Variants in PDLIM5 observed in about 807,000 individuals in gnomAD.
The protein encoded by PDLIM5 is PDZ and LIM domain 5, also known as PDZ and LIM domain protein 5.
In PDLIM5, 34 loss-of-function variants were observed where a neutral mutation model predicts 64.2. The observed-to-expected ratio is 0.53, with a 90% CI of 0.40 to 0.71. The LOEUF (loss-of-function observed/expected upper bound fraction) is 0.71. Ranked by LOEUF, PDLIM5 falls within the 30% of genes least tolerant of loss-of-function variation. The pLI is 0.00. For missense variants in PDLIM5, 683 were observed against 733.6 expected (o/e 0.93, Z 0.80); for synonymous variants, 253 against 269.1 (o/e 0.94, Z 0.59).
At chr4:94,568,107 A>G (rs1243537973) in intron 3 of PDLIM5, among the ~76,000 whole-genome samples, 1 of 152,256 alleles carries the variant, frequency 6.6e-6, no homozygotes, top group Admixed American at 6.5e-5. Context: ...AGGCATGGTC[A>G]TGTAGAATTA....
intron 7 of PDLIM5, among the ~76,000 whole-genome samples, chr4:94,617,298 G>A (rs1738855426): frequency 6.6e-6 from 1 of 152,070 alleles, no homozygotes; most frequent in Non-Finnish European, 1.5e-5. Context: ...AACTAGCATA[G>A]ATAAGACCTG....
chr4:94,516,444 C>T (rs1354126389), intron 2 of PDLIM5, among the ~76,000 whole-genome samples: 1 of 152,134 alleles, frequency 6.6e-6, no homozygotes, highest in Admixed American at 6.5e-5. Context: ...TATTTCCCTA[C>T]CATTCTAACC....
At chr4:94,541,896 C>A (rs1578339292) in intron 3 of PDLIM5, among the ~76,000 whole-genome samples, 1 of 152,358 alleles carries the variant, frequency 6.6e-6, no homozygotes, top group South Asian at 2.1e-4. Context: ...ACTTCACCTT[C>A]TGTCCTCAGG....
At chr4:94,467,725 C>T (rs1160082448) in intron 2 of PDLIM5, among the ~76,000 whole-genome samples, 2 of 152,144 alleles carry the variant, frequency 1.3e-5, no homozygotes, top group African/African-American at 4.8e-5. Flanking sequence ...CCTTACTTCC[C>T]AAGGTGGTCT....
chr4:94,635,179 A>G (rs991337892), intron 8 of PDLIM5, among the ~76,000 whole-genome samples: 4 of 152,198 alleles, frequency 2.6e-5, no homozygotes, highest in African/African-American at 9.6e-5. Flanking sequence ...TTGAATTTCT[A>G]GTTTTCTGGT....
chr4:94,658,793 G>A (rs1265105820), intron 11 of PDLIM5, among the ~76,000 whole-genome samples: 7 of 152,216 alleles, frequency 4.6e-5, no homozygotes, highest in Admixed American at 3.9e-4. Context: ...CCCATGGGCT[G>A]TTTTGGGACA....
chr4:94,525,842 G>T (rs1044434743), intron 3 of PDLIM5, among the ~76,000 whole-genome samples: 5 of 152,112 alleles, frequency 3.3e-5, no homozygotes, highest in Non-Finnish European at 7.4e-5. Context: ...ATTTTAATGC[G>T]TAGGAAAGTA....
chr4:94,659,238 T>A (rs1742458551), intron 11 of PDLIM5, among the ~76,000 whole-genome samples: 1 of 152,166 alleles, frequency 6.6e-6, no homozygotes, highest in Admixed American at 6.5e-5. Flanking sequence ...GCAGGCCATG[T>A]TGGATTCTGC....
rs181407977 is a variant in PDLIM5, at chr4:94,509,819, C to G, written c.97-13905C>G. On this transcript the variant is annotated intron_variant, in intron 2 of 12. Transcript: ENST00000317968. Reference sequence around the variant, plus strand: ...CACATTTTTCTGTCTGCTTTATATTCTAGCCATGTTGGCAGCTGATTAGAT... The same window carrying G: ...CACATTTTTCTGTCTGCTTTATATTGTAGCCATGTTGGCAGCTGATTAGAT... Among the ~76,000 whole-genome samples, 333 of 152,300 alleles carry G rather than the reference C, an allele frequency of 2.2e-3. 1 individual carries two copies. The highest frequency in any genetic ancestry group is 7.2e-3 in the African/African-American group (300 of 41,554).
Position 94,657,532 on chromosome 4 carries a change from C to G in PDLIM5, c.1570C>G (p.Pro524Ala), listed in dbSNP as rs745319971. Residue 524 changes from proline (P) to alanine (A), a missense_variant, in exon 11 of 13, where the codon CCC (proline) becomes GCC (alanine). By Grantham distance (27) the Pro-to-Ala change is conservative. Transcript: ENST00000317968. ...NNVFHLEDGE[P>A]YCETDYYALF... is the part of the protein sequence containing the mutation. ...TGTTTTTCACTTGGAGGATGGTGAA[C>G]CCTACTGTGAGACTGGTAAGATCAG... is the stretch of plus-strand genomic sequence containing the variant. 2 of 1,610,438 alleles carry G rather than the reference C, an allele frequency of 1.2e-6. No individual in the cohort carries two copies. The highest frequency in any genetic ancestry group is 2.7e-5 in the African/African-American group (2 of 74,828).
intron 3 of PDLIM5, among the ~76,000 whole-genome samples, chr4:94,529,086 G>A (rs1730627577): frequency 6.6e-6 from 1 of 152,202 alleles, no homozygotes; most frequent in Non-Finnish European, 1.5e-5. Context: ...GTGGGTCATT[G>A]CCTTGTTTGC....
intron 3 of PDLIM5, among the ~76,000 whole-genome samples, chr4:94,566,233 T>C (rs768705072): frequency 2.0e-5 from 3 of 152,192 alleles, no homozygotes; most frequent in Non-Finnish European, 4.4e-5. Context: ...CTATTTGGGC[T>C]TCTGTTTCCT....
chr4:94,660,227 A>G (rs894993669), intron 11 of PDLIM5, among the ~76,000 whole-genome samples: 1 of 152,042 alleles, frequency 6.6e-6, no homozygotes, highest in African/African-American at 2.4e-5. Context: ...CTGTTTTGCC[A>G]TCCTTATCTC....
intron 8 of PDLIM5, among the ~76,000 whole-genome samples, chr4:94,622,550 C>A (rs1739320826): frequency 6.6e-6 from 1 of 151,964 alleles, no homozygotes; most frequent in Non-Finnish European, 1.5e-5. Flanking sequence ...TGGTGGTGGC[C>A]CCCCAAAATA....
At chr4:94,495,414 T>C (rs1333097267) in intron 2 of PDLIM5, among the ~76,000 whole-genome samples, 4 of 152,230 alleles carry the variant, frequency 2.6e-5, no homozygotes, top group Non-Finnish European at 5.9e-5. Context: ...TAAATTTTTC[T>C]TAAGACTTCT....
In PDLIM5 at chr4:94,664,703, C is replaced by G. The variant is rs1742984222; in HGVS notation, c.*636C>G. ...TGGCCAACATGGTGAAACCCCATCT[C>G]TACTAAAAATACAAAAATTAGCCGG... On this transcript the variant is annotated 3_prime_UTR_variant, in exon 13 of 13. Coordinates refer to ENST00000317968, the MANE Select transcript of PDLIM5 (RefSeq NM_006457.5). 1 of 180,846 alleles carries G rather than the reference C, an allele frequency of 5.5e-6. No individual in the cohort carries two copies. The highest frequency in any genetic ancestry group is 1.9e-4 in the South Asian group (1 of 5,350). 11.2% of individuals were successfully genotyped at this position (180,846 alleles called of 1,614,324 possible).
intron 7 of PDLIM5, among the ~76,000 whole-genome samples, chr4:94,614,977 C>T (rs1200267644): frequency 6.6e-6 from 1 of 152,098 alleles, no homozygotes; most frequent in Non-Finnish European, 1.5e-5. Flanking sequence ...GTACTTATTG[C>T]TAATTTTATT....
chr4:94,488,592 T>C (rs1236199512), intron 2 of PDLIM5, among the ~76,000 whole-genome samples: 1 of 152,218 alleles, frequency 6.6e-6, no homozygotes, highest in Non-Finnish European at 1.5e-5. Context: ...CAAACATCTT[T>C]TGTTATTTTT....
chr4:94,527,046 CTTTTTTTTT>C (rs57625095), intron 3 of PDLIM5, among the ~76,000 whole-genome samples: 91 of 57,810 alleles, frequency 1.6e-3, no homozygotes, highest in Non-Finnish European at 2.6e-3. Context: ...GAACAGCATT[CTTTTTTTTT>C]TTTTTTTTTT....
Sources: gnomAD v4.1 joint callset for allele counts (sites outside exome capture counted in the v4.1 genomes callset) on GRCh38, gnomAD v4.1.1 for gene constraint, MANE v1.5 for transcripts, NCBI Gene and HGNC (gene_info 2026-07-23, HGNC 2026-07-21) for gene names.